PCMTD1: variants seen among roughly 807,000 people sequenced by gnomAD.
PCMTD1 encodes the protein protein-L-isoaspartate (D-aspartate) O-methyltransferase domain containing 1, also known as protein-L-isoaspartate O-methyltransferase domain-containing protein 1.
In PCMTD1, 12 loss-of-function variants were observed where a neutral mutation model predicts 37.6. The observed-to-expected ratio is 0.32, with a 90% confidence interval of 0.20 to 0.52. The LOEUF is 0.52. Among genes scored for constraint, PCMTD1 ranks in the 20% least tolerant of loss-of-function variants. The probability of loss-of-function intolerance (pLI) is 0.97; values close to 1 mark genes in which losing one functional copy is unlikely to be tolerated. For synonymous variants in PCMTD1, 117 were observed against 135.8 expected (o/e 0.86, Z 0.96); for missense variants, 235 against 421.3 (o/e 0.56, Z 3.87).
intron 2 of PCMTD1, chr8:51,850,088 T>C (rs1297973962): frequency 7.1e-6 from 5 of 702,378 alleles, no homozygotes; most frequent in Non-Finnish European, 1.3e-5. Context: ...GTCAAAATAC[T>C]GGTGTGGTGA....
chr8:51,868,181 G>T (rs1341940951), intron 1 of PCMTD1, among the ~76,000 whole-genome samples: 2 of 152,082 alleles, frequency 1.3e-5, no homozygotes, highest in Non-Finnish European at 2.9e-5. Flanking sequence ...GTGTGGGGGG[G>T]TGTGGGAGAA....
At chr8:51,895,239 C>T (rs190460790) in intron 1 of PCMTD1, among the ~76,000 whole-genome samples, 1 of 152,112 alleles carries the variant, frequency 6.6e-6, no homozygotes, top group Non-Finnish European at 1.5e-5. Context: ...GTTGGAGATG[C>T]CAGTTTGTGA....
upstream of PCMTD1, chr8:51,899,039 A>G: frequency 6.6e-7 from 1 of 1,509,148 alleles, no homozygotes; most frequent in Middle Eastern, 2.1e-4. Flanking sequence ...CGCCGAGTGG[A>G]GAGGCGGGGC....
At chr8:51,839,974 C>T (rs2038122520) in intron 3 of PCMTD1, among the ~76,000 whole-genome samples, 1 of 152,178 alleles carries the variant, frequency 6.6e-6, no homozygotes, top group Admixed American at 6.5e-5. Context: ...AAATGTTAAA[C>T]TCTTGATCTC....
At chr8:51,837,570 T>G (rs967674395) in intron 3 of PCMTD1, among the ~76,000 whole-genome samples, 2 of 152,148 alleles carry the variant, frequency 1.3e-5, no homozygotes, top group African/African-American at 2.4e-5. Context: ...CTTAACCTTT[T>G]CTAGCCATAA....
intron 5 of PCMTD1, among the ~76,000 whole-genome samples, chr8:51,825,034 A>C: frequency 6.6e-6 from 1 of 151,796 alleles, no homozygotes; most frequent in East Asian, 1.9e-4. Context: ...ACCTTACACA[A>C]AAATCAACTC....
intron 3 of PCMTD1, among the ~76,000 whole-genome samples, chr8:51,837,688 A>C (rs1432948567): frequency 6.6e-6 from 1 of 152,234 alleles, no homozygotes; most frequent in East Asian, 1.9e-4. Context: ...TAAAGTACTT[A>C]TAATATGAAC....
chr8:51,857,556 C>T (rs2038409705), intron 2 of PCMTD1, among the ~76,000 whole-genome samples: 1 of 152,070 alleles, frequency 6.6e-6, no homozygotes, highest in African/African-American at 2.4e-5. Flanking sequence ...ACGTGGGAGG[C>T]TGCTTTATTT....
Position 51,831,475 on chromosome 8 carries a change from A to G in PCMTD1, c.675T>C (p.Asn225=), listed in dbSNP as rs1237846913. The part of the protein sequence containing the change: ...SFAPLVQPSK[N]DNGKPDSVGL... ...CCACAGAATCTGGTTTGCCATTATC[A>G]TTCTTACTTGGTTGCACAAGTGGAG... The change falls in exon 5 of 6, where the codon AAT becomes AAC. Residue 225 remains asparagine, a synonymous_variant. Transcript: ENST00000522514. 1.2e-6 allele frequency: 2 copies of G among 1,613,676 alleles called. No individual in the cohort carries two copies. Among genetic ancestry groups the G allele is most frequent in the South Asian group, 1.1e-5 (1 of 91,064 alleles).
rs889066935 is a variant in PCMTD1 at position 51,846,811 on chromosome 8, G to A, written c.308-1048C>T. On this transcript the variant is annotated intron_variant, in intron 2 of 5. Coordinates refer to ENST00000522514, the MANE Select transcript of PCMTD1 (RefSeq NM_052937.4). ...ATGTAAAATATGGTTTGCCATCTAG[G>A]AAATATCCAAACTATAAAAATTTAA... Among the ~76,000 whole-genome samples, 5 of 152,192 alleles carry A rather than the reference G, an allele frequency of 3.3e-5. No homozygotes were observed. The East Asian group carries it at 9.7e-4, about 29-fold the overall frequency.
chr8:51,861,415 A>C (rs2038467631), intron 1 of PCMTD1, among the ~76,000 whole-genome samples, 169 bp from the exon 2 acceptor site: 1 of 152,252 alleles, frequency 6.6e-6, no homozygotes, highest in South Asian at 2.1e-4. Flanking sequence ...TAATTCATAT[A>C]GTAACCACAA....
chr8:51,887,741 A>AT (rs774857165), intron 1 of PCMTD1, among the ~76,000 whole-genome samples: 14 of 115,752 alleles, frequency 1.2e-4, no homozygotes, highest in Admixed American at 5.6e-4. Flanking sequence ...AGTTTTCATA[A>AT]TTTCTTTTTT....
intron 1 of PCMTD1, among the ~76,000 whole-genome samples, chr8:51,881,927 C>A (rs775464589): frequency 1.3e-5 from 2 of 152,210 alleles, no homozygotes; most frequent in Non-Finnish European, 1.5e-5. Flanking sequence ...CTTCTTCAAG[C>A]ATCCATGTTT....
At position 51,877,335 on chromosome 8, in the gene PCMTD1, A is replaced by T. The variant is rs575066127; in HGVS notation, c.-95-16089T>A. Among the ~76,000 whole-genome samples, 581 of 152,276 alleles carry T rather than the reference A, an allele frequency of 3.8e-3. 1 individual carries two copies. Among genetic ancestry groups the T allele is most frequent in the Non-Finnish European group, 7.1e-3 (485 of 68,022 alleles). ...ATAGTAACTCAGAACTTTTTAAAAG[A>T]GGCAAAGGTAGAGGAGAACAAAGGA... On this transcript the variant is annotated intron_variant, in intron 1 of 5. Coordinates refer to ENST00000522514, the MANE Select transcript of PCMTD1 (RefSeq NM_052937.4).
At chr8:51,857,008 G>A (rs1268898760) in intron 2 of PCMTD1, among the ~76,000 whole-genome samples, 1 of 152,240 alleles carries the variant, frequency 6.6e-6, no homozygotes, top group Non-Finnish European at 1.5e-5. Context: ...GCGAGCAAGA[G>A]AGAACATGCA....
chr8:51,866,279 C>T (rs1177740177), intron 1 of PCMTD1, among the ~76,000 whole-genome samples: 2 of 151,860 alleles, frequency 1.3e-5, no homozygotes, highest in African/African-American at 4.8e-5. Context: ...ATTCCAATGA[C>T]ATTTTTCACA....
intron 1 of PCMTD1, among the ~76,000 whole-genome samples, chr8:51,863,924 CA>C (rs35179050): frequency 0.56 from 68,177 of 121,614 alleles, 19,606 homozygotes; most frequent in Non-Finnish European, 0.68. Flanking sequence ...GATTCCCTCT[CA>C]AAAAAAAAAA....
At chr8:51,888,243 C>T (rs539847893) in intron 1 of PCMTD1, among the ~76,000 whole-genome samples, 12 of 152,124 alleles carry the variant, frequency 7.9e-5, no homozygotes, top group South Asian at 2.1e-4. Context: ...ATGGTCCATA[C>T]CTTTCCTTAG....
At chr8:51,843,060 A>T (rs2038170249) in intron 3 of PCMTD1, among the ~76,000 whole-genome samples, 1 of 152,212 alleles carries the variant, frequency 6.6e-6, no homozygotes, top group Admixed American at 6.5e-5. Context: ...TTTAAACTTG[A>T]AAATAAGTTT....
Sources: gnomAD v4.1 joint callset for allele counts (sites outside exome capture counted in the v4.1 genomes callset) on GRCh38, gnomAD v4.1.1 for gene constraint, MANE v1.5 for transcripts, NCBI Gene and HGNC (gene_info 2026-07-23, HGNC 2026-07-21) for gene names.